Variants in PPM1E observed in about 807,000 individuals in gnomAD.
PPM1E encodes the protein protein phosphatase, Mg2+/Mn2+ dependent 1E.
A neutral mutation model predicts 65.9 loss-of-function variants in PPM1E; 20 were observed. The observed-to-expected ratio is 0.30, with a 90% CI of 0.21 to 0.44. The LOEUF (loss-of-function observed/expected upper bound fraction) is 0.44. Ranked by LOEUF, PPM1E falls within the 20% of genes least tolerant of loss-of-function variation. The pLI, the probability that PPM1E is intolerant of heterozygous loss-of-function variation, is 1.00. For synonymous variants in PPM1E, 352 were observed against 374.9 expected (o/e 0.94, Z 0.70); for missense variants, 713 against 953.1 (o/e 0.75, Z 3.32).
chr17:58,977,773 C>T (rs1487293420), intron 6 of PPM1E, among the ~76,000 whole-genome samples: 1 of 152,062 alleles, frequency 6.6e-6, no homozygotes, highest in Non-Finnish European at 1.5e-5. Context: ...GACAGAGTCT[C>T]CCTCTGTCAT....
rs2030202449 is a variant in PPM1E at position 58,965,751 on chromosome 17, G to T, written c.641G>T (p.Cys214Phe). The change falls in exon 3 of 7, where the codon TGC (cysteine) becomes TTC (phenylalanine). Residue 214 changes from cysteine (C) to phenylalanine (F), a missense_variant. Physicochemically the swap from Cys to Phe is radical, Grantham distance 205. Around this residue, in one of 6 missense-constraint regions of PPM1E, gnomAD observed 84 missense variants for 113.9 expected, o/e 0.74. Transcript: ENST00000308249. ...TTCAGCAAACTACACGAGATTTGCT[G>T]CAGCTGGGTGAAAGACTTCCCCCTC... The part of the protein sequence containing the change: ...SVFSKLHEIC[C>F]SWVKDFPLRR... The T allele has an allele frequency of 6.2e-7, 1 of 1,613,994 alleles. No homozygotes were observed. The highest frequency in any genetic ancestry group is 1.3e-5 in the African/African-American group (1 of 74,914).
chr17:58,961,536 G>A (rs920440744), intron 2 of PPM1E, among the ~76,000 whole-genome samples: 2 of 152,188 alleles, frequency 1.3e-5, no homozygotes, highest in African/African-American at 2.4e-5. Context: ...AATAGACAGC[G>A]TGAACAAAGT....
chr17:58,900,190 G>A (rs2051481387), intron 1 of PPM1E, among the ~76,000 whole-genome samples: 1 of 152,224 alleles, frequency 6.6e-6, no homozygotes, highest in African/African-American at 2.4e-5. Context: ...AGCAGTGGCA[G>A]GATTTGAGAG....
intron 1 of PPM1E, among the ~76,000 whole-genome samples, chr17:58,790,894 AT>A (rs112986455): frequency 9.5e-5 from 14 of 147,884 alleles, no homozygotes; most frequent in South Asian, 2.2e-4. Context: ...GAGATAATAA[AT>A]TTTTTTTTTT....
At chr17:58,930,592 G>A (rs899372378) in intron 1 of PPM1E, among the ~76,000 whole-genome samples, 8 of 152,164 alleles carry the variant, frequency 5.3e-5, no homozygotes, top group Non-Finnish European at 1.2e-4. Flanking sequence ...ACAAAGTAGA[G>A]ATAGGTCAAG....
At chr17:58,779,295 C>A (rs1193039881) in intron 1 of PPM1E, among the ~76,000 whole-genome samples, 1 of 151,426 alleles carries the variant, frequency 6.6e-6, no homozygotes, top group Non-Finnish European at 1.5e-5. Flanking sequence ...CCTGCTCCTC[C>A]CGAGTAGCTG....
At chr17:58,948,900 A>T (rs1334346366) in intron 1 of PPM1E, among the ~76,000 whole-genome samples, 4 of 152,190 alleles carry the variant, frequency 2.6e-5, no homozygotes, top group Admixed American at 6.6e-5. Flanking sequence ...AATTAAAAAA[A>T]TTTTTTTAGC....
chr17:58,763,311 T>C (rs1390255263), intron 1 of PPM1E, among the ~76,000 whole-genome samples: 2 of 151,840 alleles, frequency 1.3e-5, no homozygotes, highest in Non-Finnish European at 2.9e-5. Context: ...CCAGCAAATA[T>C]AAGGGAGTAG....
At chr17:58,929,481 T>G (rs781683784) in intron 1 of PPM1E, among the ~76,000 whole-genome samples, 10 of 152,196 alleles carry the variant, frequency 6.6e-5, no homozygotes, top group Non-Finnish European at 1.0e-4. Context: ...GAATTCTAGT[T>G]AACAATATGC....
chr17:58,848,553 C>G (rs573030583), intron 1 of PPM1E, among the ~76,000 whole-genome samples: 42 of 152,234 alleles, frequency 2.8e-4, no homozygotes, highest in African/African-American at 1.0e-3. Flanking sequence ...GTCTTTGGTT[C>G]TGTTTATGTG....
chr17:58,942,527 A>C (rs914894724), intron 1 of PPM1E, among the ~76,000 whole-genome samples: 18 of 152,192 alleles, frequency 1.2e-4, no homozygotes, highest in Admixed American at 4.6e-4. Context: ...GTTATCAAAA[A>C]TTGCATCAGC....
chr17:58,757,283 A>G (rs1258997525), intron 1 of PPM1E, among the ~76,000 whole-genome samples: 3 of 152,146 alleles, frequency 2.0e-5, no homozygotes, highest in East Asian at 1.9e-4. Context: ...CATTAAGTAG[A>G]TGGGATGGGG....
In PPM1E at chr17:58,771,731, AT is replaced by A. The variant is rs377425622; in HGVS notation, c.464+15273del. Reference sequence around the variant, plus strand: ...CATCAATGAGTTTATTTTCTTATTCATTTGTTTTCCACCTCATTACAGAATG... The same window carrying A: ...CATCAATGAGTTTATTTTCTTATTCATTGTTTTCCACCTCATTACAGAATG... On this transcript the variant is annotated intron_variant, in intron 1 of 6. Coordinates refer to ENST00000308249, the MANE Select transcript of PPM1E (RefSeq NM_014906.5). Among the ~76,000 whole-genome samples, 331 of 152,232 alleles carry A rather than the reference AT, an allele frequency of 2.2e-3. 2 individuals are homozygous for A. Among genetic ancestry groups the A allele is most frequent in the Middle Eastern group, 0.017 (5 of 294 alleles).
chr17:58,888,771 A>G (rs1344302309), intron 1 of PPM1E, among the ~76,000 whole-genome samples: 1 of 152,208 alleles, frequency 6.6e-6, no homozygotes, highest in African/African-American at 2.4e-5. Flanking sequence ...GTTTCTGCAA[A>G]TTATCTTCCA....
At chr17:58,929,581 C>G (rs1271826207) in intron 1 of PPM1E, among the ~76,000 whole-genome samples, 1 of 151,924 alleles carries the variant, frequency 6.6e-6, no homozygotes, top group African/African-American at 2.4e-5. Flanking sequence ...CAATAGATAG[C>G]AAAATATTAA....
intron 1 of PPM1E, among the ~76,000 whole-genome samples, chr17:58,937,892 A>AAAAAAAAAAAAAG (rs57965915): frequency 4.6e-5 from 6 of 129,788 alleles, no homozygotes; most frequent in African/African-American, 6.0e-5. Context: ...AAAAAAAAAA[A>AAAAAAAAAAAAAG]AAAGAAAGAA....
chr17:58,855,627 T>C (rs1400050877), intron 1 of PPM1E, among the ~76,000 whole-genome samples: 1 of 152,220 alleles, frequency 6.6e-6, no homozygotes, highest in Non-Finnish European at 1.5e-5. Context: ...GTTGGAATTA[T>C]CAGACCAGAA....
In PPM1E at chr17:58,755,978, G is replaced by T; in HGVS notation, c.-20G>T. ...CTTCCCCCAACCCCTTTCCCGGTCT[G>T]CCCTGGGGCATGAGCAGCGATGGCC... On this transcript the variant is annotated 5_prime_UTR_variant, in exon 1 of 7. Coordinates refer to ENST00000308249, the MANE Select transcript of PPM1E (RefSeq NM_014906.5). The T allele has an allele frequency of 1.2e-6, 2 of 1,613,878 alleles. No individual in the cohort carries two copies. The highest frequency in any genetic ancestry group is 1.7e-6 in the Non-Finnish European group (2 of 1,179,872).
chr17:58,907,940 A>G (rs1336859831), intron 1 of PPM1E, among the ~76,000 whole-genome samples: 1 of 152,114 alleles, frequency 6.6e-6, no homozygotes, highest in East Asian at 1.9e-4. Context: ...CCATTCTGAC[A>G]ATCATTTAAT....
Sources: allele counts gnomAD v4.1 joint callset (sites outside exome capture counted in the v4.1 genomes callset), GRCh38; gene constraint gnomAD v4.1.1; regional missense constraint gnomAD v4.1.1; transcripts MANE v1.5; gene names NCBI Gene and HGNC (gene_info 2026-07-23, HGNC 2026-07-21).